Variants in SMG5 observed in about 807,000 individuals in gnomAD.
SMG5 encodes nonsense-mediated mRNA decay factor SMG5.
Under a neutral mutation model 122.9 loss-of-function variants are expected in SMG5, and 53 were observed. That is an observed-to-expected ratio of 0.43 (90% CI 0.35 to 0.54). SMG5 has a LOEUF of 0.54. Among genes scored for constraint, SMG5 ranks in the 20% least tolerant of loss-of-function variants. SMG5 has a pLI of 0.01. For missense variants in SMG5, 1,153 were observed against 1,285.6 expected (o/e 0.90, Z 1.58); for synonymous variants, 477 against 490.2 (o/e 0.97, Z 0.35).
intron 4 of SMG5, among the ~76,000 whole-genome samples, chr1:156,274,980 A>T (rs1662614058): frequency 1.3e-5 from 2 of 152,178 alleles, no homozygotes. Flanking sequence ...AGGTCATCAC[A>T]GGAAGGCTTC....
intron 12 of SMG5, 125 bp downstream of exon 12, chr1:156,265,656 G>T: frequency 7.1e-7 from 1 of 1,411,714 alleles, no homozygotes; most frequent in Non-Finnish European, 9.6e-7. Flanking sequence ...TACACCACAG[G>T]CAGAGGGCCA....
chr1:156,275,049 A>C (rs1384926544), intron 4 of SMG5, among the ~76,000 whole-genome samples: 1 of 151,232 alleles, frequency 6.6e-6, no homozygotes, highest in Non-Finnish European at 1.5e-5. Context: ...TCTTGGGTAG[A>C]AGTTACACAC....
chr1:156,276,963 T>G lies in SMG5; in HGVS notation c.454+122A>C, dbSNP rs1572598548. 12 of 920,442 alleles carry G rather than the reference T, an allele frequency of 1.3e-5. No individual in the cohort carries two copies. In the East Asian group the frequency reaches 3.0e-4, roughly 23 times the overall value. 57.0% of individuals were successfully genotyped at this position (920,442 alleles called of 1,614,324 possible). ...AAATCCAAACTTCATAAACCATTTG[T>G]ATGTAGTTCTGCTAGAACTCTCTCT... On this transcript the variant is annotated intron_variant, in intron 4 of 21. Transcript: ENST00000361813.
chr1:156,253,584 T>TC, intron 16 of SMG5, 76 bp from the exon 17 acceptor site: 4 of 1,363,438 alleles, frequency 2.9e-6, no homozygotes, highest in Non-Finnish European at 4.2e-6. Context: ...ACCAAGAGGG[T>TC]TTCCTGGGGT....
upstream of SMG5, chr1:156,285,847 A>G (rs769549538): frequency 1.2e-6 from 2 of 1,612,914 alleles, no homozygotes; most frequent in Non-Finnish European, 8.5e-7. Context: ...TGGGAGCCGC[A>G]CTCATTCTCT....
At chr1:156,285,657 A>G (rs116664767), upstream of SMG5, 15,866 of 1,613,804 alleles carry the variant, frequency 9.8e-3, 74 homozygotes, top group Non-Finnish European at 0.012. Flanking sequence ...CCCCAAGAAG[A>G]CCTTATCGTG....
intron 13 of SMG5, among the ~76,000 whole-genome samples, chr1:156,262,475 C>CAG (rs1661897336): frequency 1.2e-5 from 1 of 81,768 alleles, no homozygotes; most frequent in African/African-American, 5.3e-5. Flanking sequence ...GACTCCATCT[C>CAG]AGAAAAAAAA....
chr1:156,258,143 C>T (rs1661662056), intron 16 of SMG5, among the ~76,000 whole-genome samples: 1 of 152,238 alleles, frequency 6.6e-6, no homozygotes, highest in South Asian at 2.1e-4. Flanking sequence ...TCCTTTGGGG[C>T]CCCTGTGGGA....
rs147858552 is a variant in SMG5 at position 156,282,608 on chromosome 1, G to A, written c.73C>T (p.Arg25Trp). The A allele has an allele frequency of 1.4e-5, 22 of 1,607,364 alleles. No individual in the cohort carries two copies. Among genetic ancestry groups the A allele is most frequent in the South Asian group, 2.2e-5 (2 of 90,866 alleles). Residue 25 changes from arginine to tryptophan, a missense_variant and splice_region_variant, in exon 1 of 22, where the codon CGG (arginine) becomes TGG (tryptophan). By Grantham distance (101) the Arg-to-Trp change is moderately radical (BLOSUM62 -3). Coordinates refer to ENST00000361813, the MANE Select transcript of SMG5 (RefSeq NM_015327.3). ...CTCTCACGCCCTGGCCCCTCTCACCGGTAAAGCCGCTTAGTGTGGAGGACT... is the reference window on the plus strand; with the variant it reads ...CTCTCACGCCCTGGCCCCTCTCACCAGTAAAGCCGCTTAGTGTGGAGGACT... ...AKVLHTKRLY[R>W]AVVEAVHRLD...
intron 16 of SMG5, among the ~76,000 whole-genome samples, chr1:156,254,314 A>C (rs895510455): frequency 2.0e-5 from 3 of 152,226 alleles, no homozygotes; most frequent in African/African-American, 4.8e-5. Flanking sequence ...GCCCTGCTTA[A>C]AAGTTTTCTG....
At position 156,251,416 on chromosome 1, in the gene SMG5, C is replaced by T. The variant is rs1661350863; in HGVS notation, c.2815G>A (p.Asp939Asn). ...SFERHKLKRQ[D>N]ADAWTLYKIL... ...CTAAAATGTTACCAGGCATCTGCAT[C>T]CTGCCTCTTCAGCTTATGCCGCTCA... Residue 939 changes from aspartate to asparagine, a missense_variant, in exon 20 of 22, where the codon GAT (aspartate) becomes AAT (asparagine). Asp to Asn is a conservative substitution (Grantham distance 23). Coordinates refer to ENST00000361813, the MANE Select transcript of SMG5 (RefSeq NM_015327.3). 1.2e-6 allele frequency: 2 copies of T among 1,614,208 alleles called. No individual in the cohort carries two copies. The highest frequency in any genetic ancestry group is 1.7e-6 in the Non-Finnish European group (2 of 1,180,026).
intron 3 of SMG5, 70 bp from the exon 4 acceptor site, chr1:156,277,311 T>A: frequency 6.6e-7 from 1 of 1,508,218 alleles, no homozygotes; most frequent in Non-Finnish European, 8.9e-7. Context: ...TCCCTTACCC[T>A]GTTCATCTCA....
the SMG5 span, among the ~76,000 whole-genome samples, chr1:156,289,163 G>A: frequency 2.0e-5 from 3 of 152,210 alleles, no homozygotes; most frequent in South Asian, 2.1e-4. Flanking sequence ...GTTAATTCAT[G>A]TAGAGTACTT....
chr1:156,289,026 A>T, the SMG5 span, among the ~76,000 whole-genome samples: 1 of 152,202 alleles, frequency 6.6e-6, no homozygotes. Context: ...TAGTGGCAGG[A>T]CTAGAATCCA....
upstream of SMG5, chr1:156,285,884 G>A (rs762068186): frequency 1.4e-5 from 22 of 1,613,910 alleles, no homozygotes; most frequent in East Asian, 4.5e-4. Flanking sequence ...CGGGGCATAT[G>A]CCTTCCTGCC....
At chr1:156,288,329 AC>A in the SMG5 span, among the ~76,000 whole-genome samples, 5 of 148,302 alleles carry the variant, frequency 3.4e-5, no homozygotes, top group African/African-American at 5.0e-5. Flanking sequence ...TGCTCTTGTT[AC>A]TTTTTTTTTC....
At chr1:156,272,604 G>A (rs898820658) in intron 6 of SMG5, among the ~76,000 whole-genome samples, 3 of 151,098 alleles carry the variant, frequency 2.0e-5, no homozygotes, top group Non-Finnish European at 4.4e-5. Context: ...ATGGAGTCTC[G>A]CTCTGTCGCC....
Position 156,274,579 on chromosome 1 carries a change from A to C in SMG5, c.544+18T>G, listed in dbSNP as rs1662592513. On this transcript the variant is annotated intron_variant, in intron 5 of 21. Coordinates refer to ENST00000361813, the MANE Select transcript of SMG5 (RefSeq NM_015327.3). ...CCTGTAACCCAAAACAGAGAAAATG[A>C]AAGGTGCAAATTCTTACACAAATCC... 6.2e-7 allele frequency: 1 copy of C among 1,611,730 alleles called. No individual in the cohort carries two copies. The highest frequency in any genetic ancestry group is 2.2e-5 in the East Asian group (1 of 44,782).
intron 1 of SMG5, among the ~76,000 whole-genome samples, chr1:156,279,766 A>T (rs995736414): frequency 6.6e-6 from 1 of 152,194 alleles, no homozygotes; most frequent in Non-Finnish European, 1.5e-5. Context: ...ATGGGGAAGT[A>T]GAGGGAGCTC....
Sources: gnomAD v4.1 joint callset for allele counts (sites outside exome capture counted in the v4.1 genomes callset) on GRCh38, gnomAD v4.1.1 for gene constraint, MANE v1.5 for transcripts, NCBI Gene and HGNC (gene_info 2026-07-23, HGNC 2026-07-21) for gene names.